SHC3: variants seen among roughly 807,000 people sequenced by gnomAD.
SHC3 encodes SHC-transforming protein 3.
Under a neutral mutation model 60.4 loss-of-function variants are expected in SHC3, and 15 were observed. The ratio of observed to expected loss-of-function variants is 0.25; its 90% confidence interval spans 0.17 to 0.38. The LOEUF is 0.38. Ranked by LOEUF, SHC3 falls within the 10% of genes least tolerant of loss-of-function variation. SHC3 has a pLI of 1.00. For synonymous variants in SHC3, 294 were observed against 325.9 expected (o/e 0.90, Z 1.05); for missense variants, 677 against 786.1 (o/e 0.86, Z 1.66).
At chr9:89,060,131 C>T (rs541373115) in intron 6 of SHC3, among the ~76,000 whole-genome samples, 23 of 128,006 alleles carry the variant, frequency 1.8e-4, no homozygotes, top group Middle Eastern at 5.6e-3. Flanking sequence ...TGGTGTAGGA[C>T]GTGGTGGAGG....
chr9:89,079,916 T>A (rs570627311), intron 2 of SHC3, among the ~76,000 whole-genome samples: 1 of 152,354 alleles, frequency 6.6e-6, no homozygotes, highest in South Asian at 2.1e-4. Context: ...TCTCTTTTCA[T>A]CACTGGCATA....
chr9:89,137,273 C>G (rs922214281), intron 1 of SHC3, among the ~76,000 whole-genome samples: 4 of 152,136 alleles, frequency 2.6e-5, no homozygotes, highest in Non-Finnish European at 4.4e-5. Flanking sequence ...CATCTTTATA[C>G]ACATGGCTAA....
At chr9:89,013,721 G>T in intron 11 of SHC3, 146 bp from the exon 12 acceptor site, 1 of 1,205,814 alleles carries the variant, frequency 8.3e-7, no homozygotes, top group Non-Finnish European at 1.1e-6. Flanking sequence ...TAGAGATGCT[G>T]TCTGCAAAGA....
chr9:89,023,450 C>T (rs1261290894), intron 11 of SHC3, among the ~76,000 whole-genome samples: 7 of 152,070 alleles, frequency 4.6e-5, no homozygotes, highest in African/African-American at 7.2e-5. Flanking sequence ...AAATTAAAAT[C>T]GTTAAGAAAT....
intron 2 of SHC3, among the ~76,000 whole-genome samples, chr9:89,086,113 G>T (rs1332876987): frequency 6.6e-6 from 1 of 152,176 alleles, no homozygotes; most frequent in African/African-American, 2.4e-5. Context: ...ATATCTCCAT[G>T]GAAGAAACAA....
At chr9:89,058,673 G>C (rs1302405148) in intron 6 of SHC3, among the ~76,000 whole-genome samples, 1 of 148,900 alleles carries the variant, frequency 6.7e-6, no homozygotes, top group Non-Finnish European at 1.5e-5. Context: ...GAGGATGGTG[G>C]TGTAGGATGT....
chr9:89,049,678 G>T (rs1824831357), intron 7 of SHC3, among the ~76,000 whole-genome samples: 1 of 152,188 alleles, frequency 6.6e-6, no homozygotes, highest in Non-Finnish European at 1.5e-5. Context: ...TTGGCCTAAA[G>T]GTTTCTCTGT....
chr9:89,036,153 A>G (rs2117865487), intron 11 of SHC3, among the ~76,000 whole-genome samples: 1 of 152,262 alleles, frequency 6.6e-6, no homozygotes, highest in Middle Eastern at 3.4e-3. Flanking sequence ...TGAAAAAAGC[A>G]AGAGAATACA....
intron 10 of SHC3, among the ~76,000 whole-genome samples, chr9:89,041,644 G>A (rs758122228): frequency 2.6e-5 from 4 of 152,196 alleles, no homozygotes; most frequent in Non-Finnish European, 5.9e-5. Context: ...TAGACCTAGA[G>A]ATCCGTGGAA....
At chr9:89,097,564 G>A (rs1825723502) in intron 2 of SHC3, among the ~76,000 whole-genome samples, 1 of 152,214 alleles carries the variant, frequency 6.6e-6, no homozygotes, top group Non-Finnish European at 1.5e-5. Context: ...TGTCTCAGGA[G>A]TCACATCTTC....
intron 1 of SHC3, among the ~76,000 whole-genome samples, chr9:89,115,675 A>T (rs1826009774): frequency 1.3e-5 from 2 of 152,190 alleles, no homozygotes; most frequent in African/African-American, 4.8e-5. Flanking sequence ...TGAACTGCAC[A>T]GTGCATGTCA....
At chr9:89,057,957 C>T (rs539814861) in intron 6 of SHC3, among the ~76,000 whole-genome samples, 2 of 152,230 alleles carry the variant, frequency 1.3e-5, no homozygotes, top group South Asian at 4.1e-4. Context: ...GGGGCCCAAA[C>T]ATATAGGAAG....
chr9:89,089,187 A>T (rs77195704), intron 2 of SHC3, among the ~76,000 whole-genome samples: 4,059 of 152,264 alleles, frequency 0.027, 171 homozygotes, highest in African/African-American at 0.093. Flanking sequence ...GTCCCATCTT[A>T]GTCCTTATCT....
chr9:89,131,707 A>C (rs1020239661), intron 1 of SHC3, among the ~76,000 whole-genome samples: 5 of 152,168 alleles, frequency 3.3e-5, no homozygotes, highest in Non-Finnish European at 7.3e-5. Context: ...AAAATTCAAC[A>C]GCGCTTCATG....
At chr9:89,078,831 T>C (rs1421478894) in intron 2 of SHC3, among the ~76,000 whole-genome samples, 3 of 152,058 alleles carry the variant, frequency 2.0e-5, no homozygotes, top group African/African-American at 7.2e-5. Context: ...TACTACTGCA[T>C]AGAAAAAAAT....
chr9:89,051,486 A>G (rs946649810), intron 7 of SHC3, among the ~76,000 whole-genome samples: 1 of 152,228 alleles, frequency 6.6e-6, no homozygotes, highest in African/African-American at 2.4e-5. Flanking sequence ...TCTTATTCCT[A>G]CTTCACAGAT....
At chr9:89,013,962 C>T (rs1242917476) in intron 11 of SHC3, among the ~76,000 whole-genome samples, 1 of 152,174 alleles carries the variant, frequency 6.6e-6, no homozygotes, top group East Asian at 1.9e-4. Context: ...CTCCCATGAC[C>T]CTCCCACCTC....
intron 1 of SHC3, among the ~76,000 whole-genome samples, chr9:89,125,146 C>G (rs1370399142): frequency 2.0e-5 from 3 of 152,114 alleles, no homozygotes; most frequent in African/African-American, 7.2e-5. Context: ...TCCAAGTGCT[C>G]AGGCCAGCAG....
chr9:89,148,809 T>C (rs995842402), intron 1 of SHC3, among the ~76,000 whole-genome samples: 1 of 152,236 alleles, frequency 6.6e-6, no homozygotes, highest in Admixed American at 6.5e-5. Context: ...TTTCACTCTA[T>C]CTTTTGTTCT....
Sources: gnomAD v4.1 joint callset for allele counts (sites outside exome capture counted in the v4.1 genomes callset) on GRCh38, gnomAD v4.1.1 for gene constraint, MANE v1.5 for transcripts, NCBI Gene and HGNC (gene_info 2026-07-23, HGNC 2026-07-21) for gene names.